The following KIF1A variants were observed in gnomAD, a reference collection of about 807,000 sequenced individuals.
KIF1A encodes the protein kinesin family member 1A.
Under a neutral mutation model 227.3 loss-of-function variants are expected in KIF1A, and 46 were observed. The observed-to-expected ratio is 0.20, with a 90% confidence interval of 0.16 to 0.26. The LOEUF is 0.26. Among genes scored for constraint, KIF1A ranks in the 10% least tolerant of loss-of-function variants. KIF1A has a pLI of 1.00. For missense variants in KIF1A, 1,683 were observed against 2,485.9 expected (o/e 0.68, Z 6.87); for synonymous variants, 1,022 against 1,012.8 (o/e 1.01, Z -0.17).
rs1250912276 is a variant in KIF1A at position 240,766,627 on chromosome 2, C to A, written c.1684+288G>T. 1.3e-5 allele frequency among the ~76,000 whole-genome samples: 2 copies of A among 152,114 alleles called. No individual in the cohort carries two copies. Among genetic ancestry groups the A allele is most frequent in the African/African-American group, 4.8e-5 (2 of 41,410 alleles). On this transcript the variant is annotated intron_variant, in intron 19 of 48. Transcript: ENST00000498729. This position sits in a 1 kb window ranked among gnomAD's most constrained non-coding sequence, Gnocchi z 5.0. Reference sequence around the variant, plus strand: ...GCTCAGCTCCCTAAGGCAGCAGCTACCCCTGGCCACAGAAAGTACCAGGCA... The same window carrying A: ...GCTCAGCTCCCTAAGGCAGCAGCTAACCCTGGCCACAGAAAGTACCAGGCA...
rs371859121 is a variant in KIF1A at position 240,761,307 on chromosome 2, C to T, written c.2187G>A (p.Thr729=). 45 of 1,613,740 alleles carry T rather than the reference C, an allele frequency of 2.8e-5. No individual in the cohort carries two copies. Among genetic ancestry groups the T allele is most frequent in the Admixed American group, 1.8e-4 (11 of 60,012 alleles). Residue 729 remains threonine, a synonymous_variant, in exon 24 of 49, where the codon ACG becomes ACA. Coordinates refer to ENST00000498729, the MANE Select transcript of KIF1A (RefSeq NM_001244008.2). The part of the protein sequence containing the change: ...AFRKWKWYQF[T]SLRDLLWGNA... The stretch of plus-strand genomic sequence containing the variant: ...TGCCCCACAGCAGGTCCCGCAGAGA[C>T]GTGAACTGGTACCACTTCCACTTCC...
intron 34 of KIF1A, among the ~76,000 whole-genome samples, 179 bp downstream of exon 34, chr2:240,742,750 G>A (rs2048132386): frequency 6.6e-6 from 1 of 152,170 alleles, no homozygotes; most frequent in Non-Finnish European, 1.5e-5. Flanking sequence ...TGGGCACAGG[G>A]CAGACCCTTG....
Position 240,722,575 on chromosome 2 carries a change from C to T in KIF1A, c.4546G>A (p.Ala1516Thr). 6.4e-7 allele frequency: 1 copy of T among 1,558,960 alleles called. No individual in the cohort carries two copies. The highest frequency in any genetic ancestry group is 8.7e-7 in the Non-Finnish European group (1 of 1,151,826). The part of the protein sequence containing the change: ...QRPVPEALSP[A>T]FSEDSESHGS... Reference sequence around the variant, plus strand: ...TGGGACTCAGAGTCCTCGCTGAAGGCCGGGGACAGTGCCTCCGGGACAGGC... The same window carrying T: ...TGGGACTCAGAGTCCTCGCTGAAGGTCGGGGACAGTGCCTCCGGGACAGGC... Residue 1516 changes from alanine (A) to threonine (T), a missense_variant, in exon 43 of 49, where the codon GCC (alanine) becomes ACC (threonine). Ala to Thr is a moderately conservative substitution (Grantham distance 58). This residue lies in a region of KIF1A where 384 missense variants were observed against 410.1 expected (regional missense o/e 0.94). Coordinates refer to ENST00000498729, the MANE Select transcript of KIF1A (RefSeq NM_001244008.2).
intron 14 of KIF1A, among the ~76,000 whole-genome samples, chr2:240,772,339 AC>A (rs1161066125): frequency 2.0e-5 from 3 of 152,222 alleles, no homozygotes; most frequent in Non-Finnish European, 4.4e-5. Context: ...TCTCATGTAG[AC>A]CATATGGGTG....
intron 27 of KIF1A, 33 bp from the exon 28 acceptor site, chr2:240,750,580 A>C: frequency 6.8e-7 from 1 of 1,469,876 alleles, no homozygotes; most frequent in Non-Finnish European, 9.5e-7. Context: ...GTCATGGGCC[A>C]CCCCTCCACG....
At chr2:240,765,896 C>A (rs529827520) in intron 19 of KIF1A, 103 bp from the exon 20 acceptor site, 5 of 795,312 alleles carry the variant, frequency 6.3e-6, no homozygotes, top group Admixed American at 4.3e-5. Context: ...CCAAGCCTCT[C>A]GCCTCTCTTT....
chr2:240,810,880 T>A (rs1429690549), intron 1 of KIF1A, among the ~76,000 whole-genome samples: 2 of 152,168 alleles, frequency 1.3e-5, no homozygotes, highest in Non-Finnish European at 2.9e-5. Context: ...CATCTGTCCG[T>A]CTTCCTCCCC....
chr2:240,719,945 T>C lies in KIF1A; in HGVS notation c.4869-19A>G. On this transcript the variant is annotated intron_variant, in intron 45 of 48. Coordinates refer to ENST00000498729, the MANE Select transcript of KIF1A (RefSeq NM_001244008.2). ...CGGGGTCCTGGGAAGCAGAGGGAAG[T>C]GCTGCCCACTGCAGGCCTCCCTGGG... 6.3e-7 allele frequency: 1 copy of C among 1,589,710 alleles called. No homozygotes were observed. Among genetic ancestry groups the C allele is most frequent in the Non-Finnish European group, 8.6e-7 (1 of 1,169,448 alleles).
In KIF1A at chr2:240,789,611, GGATC is replaced by G; in HGVS notation, c.107-303_107-300del. ...CCCCTCAAAGGCAGCCACCCGGGGAGGATCCTTCCCACCTGCAAGCTGCGGCCCC... is the reference window on the plus strand; with the variant it reads ...CCCCTCAAAGGCAGCCACCCGGGGAGCTTCCCACCTGCAAGCTGCGGCCCC... On this transcript the variant is annotated intron_variant, in intron 2 of 48. Transcript: ENST00000498729. This position sits in a 1 kb window ranked among gnomAD's most constrained non-coding sequence, Gnocchi z 4.8. 6.6e-6 allele frequency among the ~76,000 whole-genome samples: 1 copy of G among 152,310 alleles called. No individual in the cohort carries two copies. Among genetic ancestry groups the G allele is most frequent in the Non-Finnish European group, 1.5e-5 (1 of 68,002 alleles).
Position 240,717,107 on chromosome 2 carries a change from G to A in KIF1A, c.*257C>T, listed in dbSNP as rs1024679629. The A allele has an allele frequency of 8.5e-6, 4 of 471,458 alleles. No homozygotes were observed. In the South Asian group the frequency reaches 1.4e-4, roughly 17 times the overall value. 29.2% of individuals were successfully genotyped at this position (471,458 alleles called of 1,614,324 possible). ...GGCAGCAAGAACCCCCGTAACCTGT[G>A]CCCTTGGCCCCCCCAGCCTCTCCCA... is the stretch of plus-strand genomic sequence containing the variant. On this transcript the variant is annotated 3_prime_UTR_variant, in exon 49 of 49. Coordinates refer to ENST00000498729, the MANE Select transcript of KIF1A (RefSeq NM_001244008.2).
At position 240,744,032 on chromosome 2, in the gene KIF1A, A is replaced by G. The variant is rs35698242; in HGVS notation, c.3494T>C (p.Ile1165Thr). 6.8e-4 allele frequency: 1,090 copies of G among 1,613,694 alleles called. 1 individual carries two copies. Among genetic ancestry groups the G allele is most frequent in the Non-Finnish European group, 8.4e-4 (990 of 1,179,692 alleles). ...AATGGGCTGGCTCTTGATGTACTCA[A>G]TGAAGGACTTGGTCACCTCCACTGC... Reference protein sequence around the residue: ...NIAVEVTKSFIEYIKSQPIVF... With the variant: ...NIAVEVTKSFTEYIKSQPIVF... The change falls in exon 33 of 49, where the codon ATT (isoleucine) becomes ACT (threonine). Residue 1165 changes from isoleucine (I) to threonine (T), a missense_variant. Ile to Thr is a moderately conservative substitution (Grantham distance 89). This residue lies in a region of KIF1A where 759 missense variants were observed against 1,020.2 expected (regional missense o/e 0.74). Coordinates refer to ENST00000498729, the MANE Select transcript of KIF1A (RefSeq NM_001244008.2).
At chr2:240,761,482 C>T (rs754292156) in intron 23 of KIF1A, 105 bp from the exon 24 acceptor site, 1 of 1,066,806 alleles carries the variant, frequency 9.4e-7, no homozygotes, top group Non-Finnish European at 1.3e-6. Context: ...ATGGGGCTGC[C>T]TAAGCTGACC....
chr2:240,765,691 C>T lies in KIF1A; in HGVS notation c.1768+19G>A, dbSNP rs1435141768. The T allele has an allele frequency of 2.7e-5, 43 of 1,603,514 alleles. No homozygotes were observed. The highest frequency in any genetic ancestry group is 3.7e-5 in the Non-Finnish European group (43 of 1,171,416). The stretch of plus-strand genomic sequence containing the variant: ...ATGCCTCTGCCTACCTGACTGGCCC[C>T]CGGAGTCCCCAGCCATACCTGAACG... On this transcript the variant is annotated intron_variant, in intron 20 of 48. Coordinates refer to ENST00000498729, the MANE Select transcript of KIF1A (RefSeq NM_001244008.2).
At position 240,782,616 on chromosome 2, in the gene KIF1A, G is replaced by C. The variant is rs900705017; in HGVS notation, c.865-9C>G. 3.2e-6 allele frequency: 5 copies of C among 1,552,036 alleles called. No individual in the cohort carries two copies. Among genetic ancestry groups the C allele is most frequent in the Non-Finnish European group, 4.4e-6 (5 of 1,147,604 alleles). ...TTGTTGGGTCCGGAGTCCTGAAAAG[G>C]AAAAGACAGAGAGAGGCTGAGGCCC... On this transcript the variant is annotated splice_polypyrimidine_tract_variant and intron_variant, in intron 9 of 48. Transcript: ENST00000498729.
At chr2:240,815,703 G>A (rs1038418727) in intron 1 of KIF1A, among the ~76,000 whole-genome samples, 3 of 152,146 alleles carry the variant, frequency 2.0e-5, no homozygotes, top group Non-Finnish European at 2.9e-5. Context: ...GAAGTGGGGG[G>A]TAATGGGGGT....
At chr2:240,720,041 A>G (rs2125576873) in intron 45 of KIF1A, 115 bp from the exon 46 acceptor site, 1 of 1,066,480 alleles carries the variant, frequency 9.4e-7, no homozygotes, top group African/African-American at 1.7e-5. Context: ...GCACCTTCGC[A>G]GGGTCTCTCC....
In KIF1A at chr2:240,724,933, GC is replaced by G. The variant is rs201227361; in HGVS notation, c.4256+337del. 4.8e-3 allele frequency: 297 copies of G among 62,256 alleles called. 64 individuals are homozygous for G. In the East Asian group the frequency reaches 0.17, roughly 35 times the overall value. 3.9% of individuals were successfully genotyped at this position (62,256 alleles called of 1,614,324 possible). On this transcript the variant is annotated intron_variant, in intron 40 of 48. Coordinates refer to ENST00000498729, the MANE Select transcript of KIF1A (RefSeq NM_001244008.2). ...TCCTCAGGGAAGAAGGTCACCGGCG[GC>G]GGGGGGGGGGGGGGGGGAACGGTGT...
At chr2:240,813,533 G>A (rs1219213039) in intron 1 of KIF1A, among the ~76,000 whole-genome samples, 1 of 152,174 alleles carries the variant, frequency 6.6e-6, no homozygotes, top group African/African-American at 2.4e-5. Flanking sequence ...GCAGCTGAAT[G>A]GCTTTCTCCA....
rs2050077563 is a variant in KIF1A at position 240,758,025 on chromosome 2, C to T, written c.2582+335G>A. Among the ~76,000 whole-genome samples the T allele has an allele frequency of 6.6e-6, 1 of 152,218 alleles. No individual in the cohort carries two copies. The highest frequency in any genetic ancestry group is 1.5e-5 in the Non-Finnish European group (1 of 68,042). On this transcript the variant is annotated intron_variant, in intron 26 of 48. Transcript: ENST00000498729. This position sits in a 1 kb window ranked among gnomAD's most constrained non-coding sequence, Gnocchi z 5.2. ...ACACAGCCCTGCCTCCATGTTCCCA[C>T]CCTCAGGACCAACAGGTGACCTGGA...
Sources: gnomAD v4.1 joint callset for allele counts (sites outside exome capture counted in the v4.1 genomes callset) on GRCh38, gnomAD v4.1.1 for gene constraint, gnomAD v4.1.1 regional missense constraint, Gnocchi (gnomAD v3.1) non-coding constraint, MANE v1.5 for transcripts, NCBI Gene and HGNC (gene_info 2026-07-23, HGNC 2026-07-21) for gene names.